Variants in EIF2S3B observed in about 807,000 individuals in gnomAD.
EIF2S3B encodes the protein eukaryotic translation initiation factor 2 subunit 3B.
EIF2S3B carries 16 observed loss-of-function variants against 26.4 expected under a neutral mutation model. That is an observed-to-expected ratio of 0.61 (90% CI 0.41 to 0.92). EIF2S3B has a LOEUF of 0.92. EIF2S3B is among the 40% of genes least tolerant of loss of function. The probability of loss-of-function intolerance (pLI) is 0.00; values close to 1 mark genes in which losing one functional copy is unlikely to be tolerated. For missense variants in EIF2S3B, 510 were observed against 575.5 expected (o/e 0.89, Z 1.16); for synonymous variants, 183 against 204.4 (o/e 0.90, Z 0.89).
intron 1 of EIF2S3B, among the ~76,000 whole-genome samples, chr12:10,515,062 A>AT (rs1038332739): frequency 3.3e-5 from 5 of 152,066 alleles, no homozygotes; most frequent in African/African-American, 1.2e-4. Flanking sequence ...TTCTAGCCAC[A>AT]TTTTTTATTA....
chr12:10,517,006 G>A (rs1358216676), intron 1 of EIF2S3B, among the ~76,000 whole-genome samples: 2 of 150,064 alleles, frequency 1.3e-5, no homozygotes, highest in East Asian at 2.0e-4. Context: ...TGCTGGATTC[G>A]GTTTGCCAGT....
chr12:10,519,493 G>C (rs1864805903), intron 1 of EIF2S3B, among the ~76,000 whole-genome samples: 1 of 151,960 alleles, frequency 6.6e-6, no homozygotes, highest in Admixed American at 6.6e-5. Flanking sequence ...GGCAACAAAA[G>C]CCAAAATTGA....
At chr12:10,518,300 G>T (rs1289405993) in intron 1 of EIF2S3B, among the ~76,000 whole-genome samples, 1 of 152,018 alleles carries the variant, frequency 6.6e-6, no homozygotes, top group East Asian at 1.9e-4. Context: ...TCCTGTATTG[G>T]GTGCATATAT....
chr12:10,518,120 A>C (rs1393397564), intron 1 of EIF2S3B, among the ~76,000 whole-genome samples: 1 of 152,104 alleles, frequency 6.6e-6, no homozygotes, highest in Non-Finnish European at 1.5e-5. Flanking sequence ...GTAGATGTCT[A>C]TTAGGTCCAC....
intron 1 of EIF2S3B, among the ~76,000 whole-genome samples, chr12:10,520,136 T>C (rs1864814356): frequency 6.7e-6 from 1 of 149,396 alleles, no homozygotes; most frequent in Non-Finnish European, 1.5e-5. Flanking sequence ...ATAGACTGGA[T>C]TAAGAAAATG....
chr12:10,509,404 TAG>T (rs1241586939), downstream of EIF2S3B, among the ~76,000 whole-genome samples: 10 of 152,034 alleles, frequency 6.6e-5, no homozygotes, highest in East Asian at 5.8e-4. Context: ...TTACCAGAGT[TAG>T]AGTTTTAATT....
intron 1 of EIF2S3B, among the ~76,000 whole-genome samples, chr12:10,515,416 A>C (rs2137950923): frequency 6.6e-6 from 1 of 152,190 alleles, no homozygotes; most frequent in African/African-American, 2.4e-5. Flanking sequence ...AAGATACCCA[A>C]AGTTGTTTGT....
Position 10,506,027 on chromosome 12 carries a change from T to A in EIF2S3B, c.125T>A (p.Ile42Asn). The A allele has an allele frequency of 6.2e-7, 1 of 1,605,154 alleles. No individual in the cohort carries two copies. Among genetic ancestry groups the A allele is most frequent in the Non-Finnish European group, 8.5e-7 (1 of 1,171,784 alleles). The change falls in exon 1 of 1, where the codon ATT becomes AAT. Residue 42 changes from isoleucine (I) to asparagine (N), a missense_variant. Coordinates refer to ENST00000538173, the MANE Select transcript of EIF2S3B (RefSeq NM_001357734.3). The stretch of plus-strand genomic sequence containing the variant: ...GAAGTTATCAGCAGACAAGCCACAA[T>A]TAATATAGGTACAATTGGTCATGTA... Reference protein sequence around the residue: ...SHEVISRQATINIGTIGHVAH... With the variant: ...SHEVISRQATNNIGTIGHVAH...
chr12:10,520,237 A>G (rs1301391001), intron 1 of EIF2S3B, among the ~76,000 whole-genome samples: 1 of 151,820 alleles, frequency 6.6e-6, no homozygotes, highest in African/African-American at 2.4e-5. Context: ...GGAAATCATC[A>G]TTCTCAGTAA....
At position 10,507,398 on chromosome 12, in the gene EIF2S3B, C is replaced by A; in HGVS notation, c.*77C>A. On this transcript the variant is annotated 3_prime_UTR_variant, in exon 1 of 1. Transcript: ENST00000538173. ...CTTTAACAACCAAGGGGTTTATTTT[C>A]AAAGCGATATTGGGGAATTGATTTC... 1 of 1,515,766 alleles carries A rather than the reference C, an allele frequency of 6.6e-7. No homozygotes were observed. Among genetic ancestry groups the A allele is most frequent in the Non-Finnish European group, 9.1e-7 (1 of 1,092,992 alleles). 93.9% of individuals were successfully genotyped at this position (1,515,766 alleles called of 1,614,324 possible).
At chr12:10,514,499 A>G (rs1034006429) in intron 1 of EIF2S3B, among the ~76,000 whole-genome samples, 7 of 152,238 alleles carry the variant, frequency 4.6e-5, no homozygotes, top group East Asian at 1.9e-4. Flanking sequence ...ATACATGCCA[A>G]TGGTCTATGT....
In EIF2S3B at chr12:10,506,460, G is replaced by T. The variant is rs751636750; in HGVS notation, c.558G>T (p.Leu186Phe). Residue 186 changes from leucine (L) to phenylalanine (F), a missense_variant, in exon 1 of 1, where the codon TTG becomes TTT. Physicochemically the swap from Leu to Phe is conservative, Grantham distance 22. Coordinates refer to ENST00000538173, the MANE Select transcript of EIF2S3B (RefSeq NM_001357734.3). ...AIEIMKLKHI[L>F]ILQNKIDLVK... ...AGATCATGAAACTGAAGCATATTTTGATTCTACAAAATAAAATTGATTTGG... is the reference window on the plus strand; with the variant it reads ...AGATCATGAAACTGAAGCATATTTTTATTCTACAAAATAAAATTGATTTGG... 2.5e-6 allele frequency: 4 copies of T among 1,612,112 alleles called. No individual in the cohort carries two copies. The highest frequency in any genetic ancestry group is 8.5e-7 in the Non-Finnish European group (1 of 1,178,280).
In EIF2S3B at chr12:10,507,390, T is replaced by C. The variant is rs1864649595; in HGVS notation, c.*69T>C. The C allele has an allele frequency of 6.4e-7, 1 of 1,564,708 alleles. No homozygotes were observed. The highest frequency in any genetic ancestry group is 8.8e-7 in the Non-Finnish European group (1 of 1,136,204). On this transcript the variant is annotated 3_prime_UTR_variant, in exon 1 of 1. Transcript: ENST00000538173. ...CAATTTCTCTTTAACAACCAAGGGG[T>C]TTATTTTCAAAGCGATATTGGGGAA...
At chr12:10,522,774 G>C (rs115213153) in exon 2 of EIF2S3B, 7,495 of 608,464 alleles carry the variant, frequency 0.012, 301 homozygotes, top group African/African-American at 0.1. Flanking sequence ...TTTGCAGGCT[G>C]TGATGCCCGG....
chr12:10,520,748 A>G (rs77851885), intron 1 of EIF2S3B, among the ~76,000 whole-genome samples: 4,710 of 152,258 alleles, frequency 0.031, 217 homozygotes, highest in African/African-American at 0.1. Context: ...GCTGCAGTCA[A>G]AGAACACAGC....
chr12:10,522,462 G>T, intron 1 of EIF2S3B: 2 of 499,348 alleles, frequency 4.0e-6, no homozygotes, highest in South Asian at 4.0e-5. Context: ...TCAGGACTTA[G>T]AACAAAGCAT....
intron 1 of EIF2S3B, among the ~76,000 whole-genome samples, chr12:10,516,407 T>C (rs1169658053): frequency 1.3e-5 from 2 of 152,076 alleles, no homozygotes. Flanking sequence ...AAAGGCAGAA[T>C]ATATAGTGAG....
rs779144782 is a variant in EIF2S3B, at chr12:10,507,304, A to G, written c.1402A>G (p.Thr468Ala). Residue 468 changes from threonine (T) to alanine (A), a missense_variant, in exon 1 of 1, where the codon ACA becomes GCA. Physicochemically the swap from Thr to Ala is moderately conservative, Grantham distance 58 (BLOSUM62 0). Coordinates refer to ENST00000538173, the MANE Select transcript of EIF2S3B (RefSeq NM_001357734.3). ...QIRRGVTIKP[T>A]VDDD ...AAGAAGAGGAGTGACAATCAAGCCAACAGTAGATGATGACTGAAGAATACC... is the reference window on the plus strand; with the variant it reads ...AAGAAGAGGAGTGACAATCAAGCCAGCAGTAGATGATGACTGAAGAATACC... 1 of 1,613,286 alleles carries G rather than the reference A, an allele frequency of 6.2e-7. No homozygotes were observed. Among genetic ancestry groups the G allele is most frequent in the Non-Finnish European group, 8.5e-7 (1 of 1,179,194 alleles).
intron 1 of EIF2S3B, chr12:10,522,495 GAATT>G (rs979128177): frequency 1.1e-5 from 6 of 539,504 alleles, no homozygotes; most frequent in Non-Finnish European, 2.0e-5. Flanking sequence ...GGAGCTGGGA[GAATT>G]AATTATCTAG....
Sources: gnomAD v4.1 joint callset for allele counts (sites outside exome capture counted in the v4.1 genomes callset) on GRCh38, gnomAD v4.1.1 for gene constraint, MANE v1.5 for transcripts, NCBI Gene and HGNC (gene_info 2026-07-23, HGNC 2026-07-21) for gene names.